The following SEMA3A variants were observed in gnomAD, a reference collection of about 807,000 sequenced individuals.
SEMA3A encodes the protein semaphorin-3A.
Under a neutral mutation model 97.9 loss-of-function variants are expected in SEMA3A, and 29 were observed. That is an observed-to-expected ratio of 0.30 (90% CI 0.22 to 0.40). The LOEUF (loss-of-function observed/expected upper bound fraction) is 0.40, where lower values mean the gene tolerates loss of function less well. Among genes scored for constraint, SEMA3A ranks in the 10% least tolerant of loss-of-function variants. SEMA3A has a pLI of 1.00. For missense variants in SEMA3A, 763 were observed against 951.3 expected (o/e 0.80, Z 2.60); for synonymous variants, 321 against 323.7 (o/e 0.99, Z 0.09).
intron 2 of SEMA3A, among the ~76,000 whole-genome samples, chr7:84,358,285 C>G (rs1802621688): frequency 6.6e-6 from 1 of 152,132 alleles, no homozygotes; most frequent in Non-Finnish European, 1.5e-5. Context: ...ACATTTAAGT[C>G]TTTAATCCAT....
chr7:84,406,766 T>C (rs1428133887), intron 1 of SEMA3A, among the ~76,000 whole-genome samples: 2 of 152,108 alleles, frequency 1.3e-5, no homozygotes, highest in Non-Finnish European at 1.5e-5. Context: ...TCAATAAACA[T>C]AATCCAGCAT....
intron 6 of SEMA3A, among the ~76,000 whole-genome samples, chr7:84,016,528 ACT>A (rs1269306346): frequency 7.0e-6 from 1 of 143,200 alleles, no homozygotes; most frequent in African/African-American, 2.7e-5. Flanking sequence ...ACAGAGCGAG[ACT>A]CTGTCTCAAA....
At chr7:84,485,209 C>G (rs543397142) in intron 1 of SEMA3A, among the ~76,000 whole-genome samples, 13 of 152,010 alleles carry the variant, frequency 8.6e-5, no homozygotes, top group Non-Finnish European at 1.8e-4. Flanking sequence ...TGCACATAAA[C>G]TAACAGTACT....
intron 11 of SEMA3A, among the ~76,000 whole-genome samples, chr7:84,002,983 T>A (rs2116390674): frequency 1.3e-5 from 2 of 152,220 alleles, no homozygotes; most frequent in East Asian, 3.9e-4. Context: ...AATTCAAAAC[T>A]TTTACTCTTC....
intron 2 of SEMA3A, among the ~76,000 whole-genome samples, chr7:84,332,627 G>A (rs1801934837): frequency 6.6e-6 from 1 of 151,972 alleles, no homozygotes; most frequent in Non-Finnish European, 1.5e-5. Context: ...ACATGTGGCT[G>A]TGACGTCAAT....
At chr7:84,189,605 T>C (rs1357971547) in intron 1 of SEMA3A, among the ~76,000 whole-genome samples, 2 of 151,698 alleles carry the variant, frequency 1.3e-5, no homozygotes, top group Non-Finnish European at 3.0e-5. Context: ...AACTTTAAAA[T>C]GCAAGTTTCT....
intron 6 of SEMA3A, among the ~76,000 whole-genome samples, chr7:84,031,979 A>C (rs2116466630): frequency 6.6e-6 from 1 of 152,272 alleles, no homozygotes; most frequent in East Asian, 1.9e-4. Context: ...TATTCAAAAT[A>C]AAAAAAATTG....
intron 4 of SEMA3A, among the ~76,000 whole-genome samples, chr7:84,064,724 C>A (rs1309428146): frequency 6.6e-6 from 1 of 150,650 alleles, no homozygotes; most frequent in Non-Finnish European, 1.5e-5. Context: ...AGCTAACTAT[C>A]CTAAATATAT....
chr7:84,323,145 A>C (rs1584239070), intron 2 of SEMA3A, among the ~76,000 whole-genome samples: 1 of 152,348 alleles, frequency 6.6e-6, no homozygotes, highest in African/African-American at 2.4e-5. Flanking sequence ...ATGCTCCATA[A>C]GTATTAACAA....
At chr7:84,345,800 A>G (rs1562912309) in intron 2 of SEMA3A, among the ~76,000 whole-genome samples, 1 of 152,192 alleles carries the variant, frequency 6.6e-6, no homozygotes, top group Non-Finnish European at 1.5e-5. Flanking sequence ...AAAGTGATTC[A>G]TGAGGGTTGG....
intron 3 of SEMA3A, among the ~76,000 whole-genome samples, chr7:84,211,001 C>A (rs1798611199): frequency 6.6e-6 from 1 of 152,040 alleles, no homozygotes; most frequent in Non-Finnish European, 1.5e-5. Flanking sequence ...AGAACAAAAA[C>A]TTTTTGTTCA....
chr7:84,014,517 A>G (rs1321506293), intron 6 of SEMA3A, among the ~76,000 whole-genome samples, 166 bp from the exon 7 acceptor site: 1 of 152,184 alleles, frequency 6.6e-6, no homozygotes, highest in Admixed American at 6.5e-5. Flanking sequence ...TATGCATTAT[A>G]AAGTATCTTA....
At chr7:84,486,253 T>C (rs1225577892) in intron 1 of SEMA3A, among the ~76,000 whole-genome samples, 1 of 152,138 alleles carries the variant, frequency 6.6e-6, no homozygotes, top group Non-Finnish European at 1.5e-5. Flanking sequence ...CTGGGCGTGG[T>C]GGCATGTGCC....
At chr7:84,200,409 C>G (rs1335071125) in intron 3 of SEMA3A, among the ~76,000 whole-genome samples, 1 of 151,876 alleles carries the variant, frequency 6.6e-6, no homozygotes, top group Admixed American at 6.6e-5. Flanking sequence ...CTGTCTTTTC[C>G]CTGAGAGTTT....
chr7:83,962,952 G>A (rs991450143), intron 16 of SEMA3A, among the ~76,000 whole-genome samples: 4 of 152,206 alleles, frequency 2.6e-5, no homozygotes, highest in African/African-American at 9.6e-5. Flanking sequence ...AATAAGGGGA[G>A]TCTAATATGT....
chr7:83,979,954 GCTT>G (rs1007708075), intron 14 of SEMA3A, among the ~76,000 whole-genome samples: 2 of 151,988 alleles, frequency 1.3e-5, no homozygotes, highest in African/African-American at 2.4e-5. Context: ...TACATTCATA[GCTT>G]CTTTGAAAAA....
At chr7:84,445,341 A>C (rs542682982) in intron 1 of SEMA3A, among the ~76,000 whole-genome samples, 1 of 151,414 alleles carries the variant, frequency 6.6e-6, no homozygotes, top group African/African-American at 2.4e-5. Flanking sequence ...AAATACAACA[A>C]AAATTAGCTG....
At chr7:83,997,996 A>G (rs6971398) in intron 12 of SEMA3A, among the ~76,000 whole-genome samples, 2,619 of 152,138 alleles carry the variant, frequency 0.017, 68 homozygotes, top group African/African-American at 0.06. Flanking sequence ...TCGGCCTCCC[A>G]AAGTGCTGGA....
At chr7:84,234,734 T>C (rs1355895910) in intron 3 of SEMA3A, among the ~76,000 whole-genome samples, 1 of 152,106 alleles carries the variant, frequency 6.6e-6, no homozygotes, top group Non-Finnish European at 1.5e-5. Flanking sequence ...TTATTCCTTT[T>C]ACATTTAATA....
Sources: allele counts gnomAD v4.1 joint callset (sites outside exome capture counted in the v4.1 genomes callset), GRCh38; gene constraint gnomAD v4.1.1; transcripts MANE v1.5; gene names NCBI Gene and HGNC (gene_info 2026-07-23, HGNC 2026-07-21).